Variants in SP100 observed in about 807,000 individuals in gnomAD.
The protein encoded by SP100 is nuclear autoantigen Sp-100.
SP100 carries 84 observed loss-of-function variants against 130.0 expected under a neutral mutation model. That is an observed-to-expected ratio of 0.65 (90% confidence interval 0.54 to 0.77). The LOEUF is 0.77. Ranked by LOEUF, SP100 falls within the 30% of genes least tolerant of loss-of-function variation. The pLI, the probability that SP100 is intolerant of heterozygous loss-of-function variation, is 0.00. For missense variants in SP100, 978 were observed against 1,052.2 expected (o/e 0.93, Z 0.97); for synonymous variants, 331 against 351.7 (o/e 0.94, Z 0.66).
chr2:230,515,056 G>A (rs1345654498), intron 24 of SP100: 7 of 1,608,178 alleles, frequency 4.4e-6, no homozygotes, highest in Non-Finnish European at 5.9e-6. Context: ...GCTGAGAGGT[G>A]AAATGTTATC....
intron 18 of SP100, 111 bp downstream of exon 18, chr2:230,494,571 C>A: frequency 1.3e-6 from 1 of 770,124 alleles, no homozygotes. Flanking sequence ...ACGGTAGCTT[C>A]AGACCTCATG....
chr2:230,530,676 C>T (rs1691660139), intron 24 of SP100, among the ~76,000 whole-genome samples: 1 of 152,150 alleles, frequency 6.6e-6, no homozygotes, highest in Non-Finnish European at 1.5e-5. Flanking sequence ...TTGCAATCTA[C>T]CCATCTGAGA....
intron 2 of SP100, among the ~76,000 whole-genome samples, chr2:230,437,632 C>T (rs1263326647): frequency 6.6e-6 from 1 of 151,980 alleles, no homozygotes; most frequent in Admixed American, 6.6e-5. Context: ...TGCAGAGGCT[C>T]ACTGCATCCT....
intron 2 of SP100, 146 bp downstream of exon 2, chr2:230,417,811 T>C: frequency 8.0e-7 from 1 of 1,249,736 alleles, no homozygotes; most frequent in Non-Finnish European, 1.1e-6. Flanking sequence ...TCCGTTGAGG[T>C]GTTTGTCCTT....
chr2:230,498,380 TA>T, intron 18 of SP100, 80 bp from the exon 19 acceptor site: 3 of 754,204 alleles, frequency 4.0e-6, no homozygotes, highest in Non-Finnish European at 6.2e-6. Context: ...AAGTTATAGC[TA>T]AATAAAATTT....
intron 2 of SP100, among the ~76,000 whole-genome samples, chr2:230,438,015 T>G (rs1286021866): frequency 6.6e-6 from 1 of 152,232 alleles, no homozygotes; most frequent in Non-Finnish European, 1.5e-5. Flanking sequence ...ATTTGTTTCT[T>G]GAATTTTGAT....
chr2:230,525,776 A>G (rs1559535179), intron 24 of SP100, among the ~76,000 whole-genome samples: 1 of 152,240 alleles, frequency 6.6e-6, no homozygotes, highest in Non-Finnish European at 1.5e-5. Flanking sequence ...TCCCGCACCC[A>G]CAGAGCCTTG....
Position 230,424,661 on chromosome 2 carries a change from T to G in SP100, c.107+6996T>G, listed in dbSNP as rs919356664. On this transcript the variant is annotated intron_variant, in intron 2 of 28. Transcript: ENST00000340126. ...TCCAGCCTGGGCAACAGAGTGAGACTCCATCTCAAAAAAAAAAAAAAAAAG... is the reference window on the plus strand; with the variant it reads ...TCCAGCCTGGGCAACAGAGTGAGACGCCATCTCAAAAAAAAAAAAAAAAAG... Among the ~76,000 whole-genome samples the G allele has an allele frequency of 9.6e-5, 12 of 124,358 alleles. No individual in the cohort carries two copies. The East Asian group carries it at 2.5e-3, about 26-fold the overall frequency. 81.6% of individuals were successfully genotyped at this position (124,358 alleles called of 152,430 possible). A position where few individuals can be genotyped will look rare whatever the true frequency, so the allele number is the denominator to read the frequency against.
chr2:230,523,113 T>C (rs1164583873), intron 24 of SP100, among the ~76,000 whole-genome samples: 2 of 152,146 alleles, frequency 1.3e-5, no homozygotes, highest in East Asian at 3.8e-4. Flanking sequence ...CCTGGGGAGA[T>C]TTGGCCTTTA....
chr2:230,522,982 T>C (rs138729978), intron 24 of SP100, among the ~76,000 whole-genome samples: 4,225 of 151,838 alleles, frequency 0.028, 187 homozygotes, highest in African/African-American at 0.097. Context: ...GCCCGGCTAA[T>C]TTTTGTATTT....
At chr2:230,496,595 G>A (rs2066679375) in intron 18 of SP100, among the ~76,000 whole-genome samples, 4 of 152,006 alleles carry the variant, frequency 2.6e-5, no homozygotes, top group Admixed American at 2.6e-4. Flanking sequence ...AATTACTTTT[G>A]CACCAACCTT....
At position 230,464,100 on chromosome 2, in the gene SP100, A is replaced by G. The variant is rs761609507; in HGVS notation, c.1091A>G (p.Asp364Gly). 6.2e-7 allele frequency: 1 copy of G among 1,613,306 alleles called. No homozygotes were observed. The highest frequency in any genetic ancestry group is 8.5e-7 in the Non-Finnish European group (1 of 1,179,284). The change falls in exon 11 of 29, where the codon GAT becomes GGT. Residue 364 changes from aspartate (D) to glycine (G), a missense_variant. Physicochemically the swap from Asp to Gly is moderately conservative, Grantham distance 94. Coordinates refer to ENST00000340126, the MANE Select transcript of SP100 (RefSeq NM_001080391.2). ...AATGACAACCCTTTAGAATCAAATGATGAAAAGGAGGGCCAAGAAGCCACT... is the reference window on the plus strand; with the variant it reads ...AATGACAACCCTTTAGAATCAAATGGTGAAAAGGAGGGCCAAGAAGCCACT... ...INNDNPLESN[D>G]EKEGQEATCS...
chr2:230,512,436 T>C (rs1466967423), intron 24 of SP100, among the ~76,000 whole-genome samples: 1 of 151,988 alleles, frequency 6.6e-6, no homozygotes, highest in Non-Finnish European at 1.5e-5. Flanking sequence ...ACTACAGGTG[T>C]GTGCCACCAT....
At chr2:230,541,444 G>T in intron 27 of SP100, 72 bp downstream of exon 27, 19 of 1,280,836 alleles carry the variant, frequency 1.5e-5, no homozygotes, top group Non-Finnish European at 2.1e-5. Flanking sequence ...CATGGCACAA[G>T]GTGCCATTCT....
chr2:230,430,963 T>A (rs919090994), intron 2 of SP100, among the ~76,000 whole-genome samples: 2 of 152,228 alleles, frequency 1.3e-5, no homozygotes, highest in Admixed American at 1.3e-4. Flanking sequence ...CAGAATTTCT[T>A]TGGGGGTTCC....
chr2:230,534,542 C>A (rs566648391), intron 24 of SP100, among the ~76,000 whole-genome samples: 2 of 152,318 alleles, frequency 1.3e-5, no homozygotes, highest in South Asian at 2.1e-4. Flanking sequence ...CTAAATTCGG[C>A]CTTTTTGACC....
chr2:230,469,736 A>G (rs2065168786), intron 14 of SP100: 1 of 1,290,112 alleles, frequency 7.8e-7, no homozygotes, highest in Non-Finnish European at 1.0e-6. Flanking sequence ...GAAACCACCC[A>G]ATGAAATGGA....
intron 2 of SP100, among the ~76,000 whole-genome samples, chr2:230,428,675 C>T (rs924965254): frequency 6.6e-6 from 1 of 152,088 alleles, no homozygotes; most frequent in African/African-American, 2.4e-5. Context: ...ATCTCCTGAC[C>T]TCATGATCCA....
chr2:230,475,062 A>G (rs1324390904), intron 17 of SP100, among the ~76,000 whole-genome samples: 1 of 151,944 alleles, frequency 6.6e-6, no homozygotes, highest in African/African-American at 2.4e-5. Context: ...AGGTAGTGGG[A>G]TTGCTGGGTA....
Sources: allele counts gnomAD v4.1 joint callset (sites outside exome capture counted in the v4.1 genomes callset), GRCh38; gene constraint gnomAD v4.1.1; transcripts MANE v1.5; gene names NCBI Gene and HGNC (gene_info 2026-07-23, HGNC 2026-07-21).